The following VKORC1L1 variants were observed in gnomAD, a reference collection of about 807,000 sequenced individuals.
The protein encoded by VKORC1L1 is vitamin K epoxide reductase complex subunit 1L1.
In VKORC1L1, 2 loss-of-function variants were observed where a neutral mutation model predicts 18.9. The observed-to-expected ratio is 0.11, with a 90% CI of 0.04 to 0.33. The LOEUF is 0.33. Ranked by LOEUF, VKORC1L1 falls within the 10% of genes least tolerant of loss-of-function variation. The probability of loss-of-function intolerance (pLI) is 1.00; values close to 1 mark genes in which losing one functional copy is unlikely to be tolerated. For missense variants in VKORC1L1, 123 were observed against 224.1 expected (o/e 0.55, Z 2.88); for synonymous variants, 96 against 100.0 (o/e 0.96, Z 0.24).
At chr7:65,953,325 A>G (rs1398124892) in intron 2 of VKORC1L1, among the ~76,000 whole-genome samples, 1 of 152,222 alleles carries the variant, frequency 6.6e-6, no homozygotes, top group East Asian at 1.9e-4. Context: ...AAACATGGAA[A>G]AGCAAATTTT....
intron 1 of VKORC1L1, among the ~76,000 whole-genome samples, chr7:65,927,582 A>G (rs1251956449): frequency 6.7e-6 from 1 of 149,602 alleles, no homozygotes; most frequent in Non-Finnish European, 1.5e-5. Context: ...GGACAGGCAC[A>G]CCCAGCACAG....
intron 1 of VKORC1L1, among the ~76,000 whole-genome samples, chr7:65,896,196 G>A (rs1218146257): frequency 2.0e-5 from 3 of 151,540 alleles, no homozygotes; most frequent in Non-Finnish European, 2.9e-5. Flanking sequence ...GAGCCACCGC[G>A]CCCAGCCATT....
At chr7:65,891,166 T>C (rs1305250296) in intron 1 of VKORC1L1, among the ~76,000 whole-genome samples, 3 of 151,758 alleles carry the variant, frequency 2.0e-5, no homozygotes, top group African/African-American at 7.3e-5. Flanking sequence ...TTTTTCTTGC[T>C]GAGTTCTGTT....
At chr7:65,900,720 G>A (rs551046027) in intron 1 of VKORC1L1, among the ~76,000 whole-genome samples, 21 of 152,066 alleles carry the variant, frequency 1.4e-4, no homozygotes, top group Non-Finnish European at 2.5e-4. Flanking sequence ...CATGAGAATC[G>A]CTTGAACCCC....
chr7:65,876,939 G>C (rs1788837160), intron 1 of VKORC1L1, among the ~76,000 whole-genome samples: 1 of 152,286 alleles, frequency 6.6e-6, no homozygotes, highest in East Asian at 1.9e-4. Flanking sequence ...CCAGCTTCTT[G>C]GGAGGCTGAG....
intron 1 of VKORC1L1, among the ~76,000 whole-genome samples, chr7:65,874,201 A>G (rs2116315925): frequency 6.6e-6 from 1 of 152,214 alleles, no homozygotes; most frequent in Non-Finnish European, 1.5e-5. Context: ...GTGGAAGAAG[A>G]TACCCGCACT....
Position 65,873,141 on chromosome 7 carries a change from G to A in VKORC1L1, c.-231G>A. The A allele has an allele frequency of 2.9e-6, 1 of 350,650 alleles. No homozygotes were observed. The highest frequency in any genetic ancestry group is 4.0e-6 in the Non-Finnish European group (1 of 250,226). The allele number at this position is 350,650 out of a possible 1,614,324, so 21.7% of individuals were successfully genotyped here. On this transcript the variant is annotated 5_prime_UTR_variant, in exon 1 of 3. Coordinates refer to ENST00000360768, the MANE Select transcript of VKORC1L1 (RefSeq NM_173517.6). ...CCACCCCCTCCCTCCGCGCCCGCGC[G>A]CGCCTTCCCCGCCCCGTCCGCCTCA...
chr7:65,872,275 G>A (rs1161726913), upstream of VKORC1L1, among the ~76,000 whole-genome samples: 3 of 151,468 alleles, frequency 2.0e-5, no homozygotes, highest in African/African-American at 4.9e-5. Context: ...GTTATGGTAA[G>A]CAACTTCAAA....
intron 1 of VKORC1L1, among the ~76,000 whole-genome samples, chr7:65,940,759 T>C (rs1790019866): frequency 6.6e-6 from 1 of 152,146 alleles, no homozygotes; most frequent in African/African-American, 2.4e-5. Context: ...AAACAAAATA[T>C]AAATTCATAA....
At position 65,943,073 on chromosome 7, in the gene VKORC1L1, G is replaced by T. The variant is rs1790063091; in HGVS notation, c.195-5598G>T. Among the ~76,000 whole-genome samples, 6 of 152,118 alleles carry T rather than the reference G, an allele frequency of 3.9e-5. No homozygotes were observed. In the South Asian group the frequency reaches 1.2e-3, roughly 31 times the overall value. On this transcript the variant is annotated intron_variant, in intron 1 of 2. Coordinates refer to ENST00000360768, the MANE Select transcript of VKORC1L1 (RefSeq NM_173517.6). ...GGAAATGAAAGTCTACGAAATCATA[G>T]TCTAGTTTAGCATACAGTGCTAGAT...
chr7:65,934,556 A>G (rs1023898956), intron 1 of VKORC1L1, among the ~76,000 whole-genome samples: 3 of 152,114 alleles, frequency 2.0e-5, no homozygotes, highest in Non-Finnish European at 2.9e-5. Context: ...CCCAGCCTCT[A>G]TAACCACCAT....
chr7:65,882,302 C>T (rs1413753700), intron 1 of VKORC1L1, among the ~76,000 whole-genome samples: 1 of 151,670 alleles, frequency 6.6e-6, no homozygotes, highest in East Asian at 1.9e-4. Context: ...TTGCTTGAAC[C>T]CAGGAGGCAG....
At chr7:65,918,928 C>G (rs1298710585) in intron 1 of VKORC1L1, among the ~76,000 whole-genome samples, 1 of 152,098 alleles carries the variant, frequency 6.6e-6, no homozygotes, top group Non-Finnish European at 1.5e-5. Flanking sequence ...AACCCCATCT[C>G]TACTAAAAAT....
intron 1 of VKORC1L1, among the ~76,000 whole-genome samples, chr7:65,887,008 C>T (rs1281781504): frequency 2.6e-5 from 4 of 151,380 alleles, no homozygotes; most frequent in Non-Finnish European, 5.9e-5. Context: ...CGCCACCAAC[C>T]CTGGCTGATT....
intron 1 of VKORC1L1, among the ~76,000 whole-genome samples, chr7:65,913,995 C>A (rs1020464714): frequency 6.6e-6 from 1 of 152,046 alleles, no homozygotes; most frequent in African/African-American, 2.4e-5. Context: ...GGCCTCTTGA[C>A]ACACCTTAGA....
intron 1 of VKORC1L1, among the ~76,000 whole-genome samples, chr7:65,931,938 G>A (rs117620770): frequency 6.6e-6 from 1 of 152,100 alleles, no homozygotes; most frequent in South Asian, 2.1e-4. Flanking sequence ...ACCATGCCCA[G>A]CCCATTTATT....
intron 1 of VKORC1L1, among the ~76,000 whole-genome samples, chr7:65,941,020 G>A (rs1246321036): frequency 6.6e-6 from 1 of 152,192 alleles, no homozygotes; most frequent in African/African-American, 2.4e-5. Flanking sequence ...GAGAAACTAA[G>A]GATAAAAGTT....
At chr7:65,917,375 A>C (rs1056256763) in intron 1 of VKORC1L1, among the ~76,000 whole-genome samples, 2 of 152,112 alleles carry the variant, frequency 1.3e-5, no homozygotes, top group Non-Finnish European at 2.9e-5. Context: ...TTGCCTGCAT[A>C]GGACAGTCAG....
intron 1 of VKORC1L1, among the ~76,000 whole-genome samples, chr7:65,887,861 G>C (rs183799461): frequency 6.6e-6 from 1 of 151,276 alleles, no homozygotes; most frequent in Non-Finnish European, 1.5e-5. Context: ...GGATTGCTTC[G>C]CAATATGTAT....
Sources: allele counts gnomAD v4.1 joint callset (sites outside exome capture counted in the v4.1 genomes callset), GRCh38; gene constraint gnomAD v4.1.1; transcripts MANE v1.5; gene names NCBI Gene and HGNC (gene_info 2026-07-23, HGNC 2026-07-21).